DLG4: variants seen among roughly 807,000 people sequenced by gnomAD.
DLG4 encodes discs large MAGUK scaffold protein 4, also known as disks large homolog 4.
Under a neutral mutation model 93.8 loss-of-function variants are expected in DLG4, and 7 were observed. The ratio of observed to expected loss-of-function variants is 0.07; its 90% CI spans 0.04 to 0.14. The LOEUF is 0.14. Ranked by LOEUF, DLG4 falls within the 10% of genes least tolerant of loss-of-function variation. DLG4 has a pLI of 1.00. For synonymous variants in DLG4, 341 were observed against 387.6 expected (o/e 0.88, Z 1.41); for missense variants, 545 against 992.9 (o/e 0.55, Z 6.06).
chr17:7,219,087 T>C, upstream of DLG4: 1 of 589,146 alleles, frequency 1.7e-6, no homozygotes, highest in East Asian at 2.9e-5. Flanking sequence ...AAAGAGGGCC[T>C]CCTCACAGAG....
At chr17:7,216,686 C>T (rs2070931484) in intron 1 of DLG4, among the ~76,000 whole-genome samples, 1 of 152,100 alleles carries the variant, frequency 6.6e-6, no homozygotes, top group Admixed American at 6.5e-5. Flanking sequence ...ACCTTTACCC[C>T]ATGCCAGGAG....
upstream of DLG4, chr17:7,219,342 A>C: frequency 1.1e-6 from 1 of 944,100 alleles, no homozygotes; most frequent in Non-Finnish European, 1.3e-6. Context: ...ACAGAAGGGA[A>C]TGTTCAGGAA....
intron 1 of DLG4, chr17:7,213,699 A>T: frequency 2.2e-6 from 1 of 456,314 alleles, no homozygotes; most frequent in South Asian, 1.6e-5. Flanking sequence ...TTGAACGCCC[A>T]CCCTTCCAGC....
chr17:7,200,001 GA>G (rs945775486), intron 8 of DLG4, among the ~76,000 whole-genome samples: 22 of 148,182 alleles, frequency 1.5e-4, no homozygotes, highest in Middle Eastern at 3.5e-3. Context: ...AAAAAGAAAA[GA>G]AAAAAAAAGA....
intron 8 of DLG4, among the ~76,000 whole-genome samples, chr17:7,199,015 C>T (rs975784505): frequency 6.6e-6 from 1 of 151,850 alleles, no homozygotes; most frequent in African/African-American, 2.4e-5. Context: ...CAAGACCTGC[C>T]TCCAACAAAA....
chr17:7,193,468 G>A lies in DLG4; in HGVS notation c.1693+15C>T. ...CACTTCCACCTTCTCCTCCATCCAA[G>A]GCCCCAGCACTCACGGGGAACACAG... On this transcript the variant is annotated intron_variant, in intron 16 of 19. Transcript: ENST00000399506. The surrounding 1 kb of genome is among the most constrained non-coding windows in gnomAD (Gnocchi z 6.7). 1 of 1,517,008 alleles carries A rather than the reference G, an allele frequency of 6.6e-7. No homozygotes were observed. The highest frequency in any genetic ancestry group is 8.8e-7 in the Non-Finnish European group (1 of 1,136,952). The allele number at this position is 1,517,008 out of a possible 1,614,324, so 94.0% of individuals were successfully genotyped here.
At chr17:7,209,732 C>T (rs754709334) in intron 1 of DLG4, among the ~76,000 whole-genome samples, 6 of 151,788 alleles carry the variant, frequency 4.0e-5, no homozygotes, top group Admixed American at 6.6e-5. Flanking sequence ...ATCACGCCAC[C>T]GCACTCCAGC....
chr17:7,190,728 G>A lies in DLG4; in HGVS notation c.2155C>T (p.Pro719Ser), dbSNP rs973283691. 1.2e-6 allele frequency: 2 copies of A among 1,613,658 alleles called. No individual in the cohort carries two copies. The highest frequency in any genetic ancestry group is 1.7e-5 in the Admixed American group (1 of 59,998). Residue 719 changes from proline (P) to serine (S), a missense_variant, in exon 20 of 20, where the codon CCA (proline) becomes TCA (serine). By Grantham distance (74) the Pro-to-Ser change is moderately conservative. Coordinates refer to ENST00000399506, the MANE Select transcript of DLG4 (RefSeq NM_001321075.3). Reference sequence around the variant, plus strand: ...AGGAATCAGAGTCTCTCTCGGGCTGGAACCCAGATGTAGGGGCCTGAGAGG... The same window carrying A: ...AGGAATCAGAGTCTCTCTCGGGCTGAAACCCAGATGTAGGGGCCTGAGAGG... Reference protein sequence around the residue: ...EDLSGPYIWVPARERL With the variant: ...EDLSGPYIWVSARERL
In DLG4 at chr17:7,193,451, C is replaced by A. The variant is rs199897588; in HGVS notation, c.1693+32G>T. On this transcript the variant is annotated intron_variant, in intron 16 of 19. Coordinates refer to ENST00000399506, the MANE Select transcript of DLG4 (RefSeq NM_001321075.3). This position sits in a 1 kb window ranked among gnomAD's most constrained non-coding sequence, Gnocchi z 6.7. ...CTCCCCTGCCCCACCCCCACTTCCACCTTCTCCTCCATCCAAGGCCCCAGC... is the reference window on the plus strand; with the variant it reads ...CTCCCCTGCCCCACCCCCACTTCCAACTTCTCCTCCATCCAAGGCCCCAGC... The A allele has an allele frequency of 3.9e-5, 59 of 1,509,144 alleles. No homozygotes were observed. The African/African-American group carries it at 5.7e-4, about 15-fold the overall frequency. The allele number at this position is 1,509,144 out of a possible 1,614,324, so 93.5% of individuals were successfully genotyped here. A position where few individuals can be genotyped will look rare whatever the true frequency, so the allele number is the denominator to read the frequency against.
intron 2 of DLG4, chr17:7,204,939 G>A: frequency 5.1e-6 from 5 of 985,382 alleles, no homozygotes; most frequent in South Asian, 4.7e-5. Flanking sequence ...GACCCGGGGA[G>A]ACCCACCTCC....
In DLG4 at chr17:7,187,318, G is replaced by A. The variant is rs191350575; in HGVS notation, c.*3390C>T. On this transcript the variant is annotated 3_prime_UTR_variant, in exon 20 of 20. Transcript: ENST00000399506. ...ACTTTGGGAGGCCGAGGGGGGGGGG[G>A]GTGGATCACCCGAGGTCAGGAGTTC... Among the ~76,000 whole-genome samples the A allele has an allele frequency of 2.2e-3, 152 of 68,398 alleles. 4 individuals carry two copies. Among genetic ancestry groups the A allele is most frequent in the Non-Finnish European group, 5.2e-3 (102 of 19,670 alleles). 44.9% of individuals were successfully genotyped at this position (68,398 alleles called of 152,430 possible). A position where few individuals can be genotyped will look rare whatever the true frequency, so the allele number is the denominator to read the frequency against.
At chr17:7,200,128 G>A (rs963382319) in intron 8 of DLG4, among the ~76,000 whole-genome samples, 2 of 152,022 alleles carry the variant, frequency 1.3e-5, no homozygotes, top group African/African-American at 4.8e-5. Context: ...TATTTTGTAG[G>A]GGCTGCCACA....
intron 1 of DLG4, 33 bp downstream of exon 1, chr17:7,217,084 TC>T: frequency 1.6e-6 from 2 of 1,265,748 alleles, no homozygotes; most frequent in South Asian, 7.0e-5. Context: ...ACTCATACCC[TC>T]CCCCCAGTTT....
chr17:7,217,036 G>T (rs768198413), intron 1 of DLG4, 82 bp downstream of exon 1: 1 of 1,198,372 alleles, frequency 8.3e-7, no homozygotes, highest in Non-Finnish European at 1.1e-6. Flanking sequence ...CTCCAGGGGC[G>T]CCAGTCCCAG....
In DLG4 at chr17:7,203,429, G is replaced by A; in HGVS notation, c.500C>T (p.Pro167Leu). The change falls in exon 6 of 20, where the codon CCT (proline) becomes CTT (leucine). Residue 167 changes from proline to leucine, a missense_variant. Pro to Leu is a moderately conservative substitution (Grantham distance 98, BLOSUM62 -3). Around this residue, in one of 5 missense-constraint regions of DLG4, gnomAD observed 5 missense variants for 27.6 expected, o/e 0.18. Transcript: ENST00000399506. This position sits in a 1 kb window ranked among gnomAD's most constrained non-coding sequence, Gnocchi z 7.2. The stretch of plus-strand genomic sequence containing the variant: ...GGAACAAAATGAGTTACTACCTTTA[G>A]GCCCCTTGATGAGCTTGATCTCCAT... ...KVMEIKLIKG[P>L]KGLGFSIAGG... 6.2e-7 allele frequency: 1 copy of A among 1,606,274 alleles called. No homozygotes were observed. Among genetic ancestry groups the A allele is most frequent in the Non-Finnish European group, 8.5e-7 (1 of 1,173,610 alleles).
rs139750491 is a variant in DLG4 at position 7,187,980 on chromosome 17, G to A, written c.*2728C>T. 2.0e-4 allele frequency among the ~76,000 whole-genome samples: 30 copies of A among 151,736 alleles called. No homozygotes were observed. In the East Asian group the frequency reaches 5.3e-3, roughly 27 times the overall value. On this transcript the variant is annotated 3_prime_UTR_variant, in exon 20 of 20. Transcript: ENST00000399506. ...AGCTACTTGGGAAGCTGAGGCAGGA[G>A]AATCACTTGAACCCTGGAGTTGGAG...
At chr17:7,213,807 G>A (rs1437030823) in intron 1 of DLG4, 1 of 471,104 alleles carries the variant, frequency 2.1e-6, no homozygotes, top group South Asian at 1.5e-5. Context: ...TCACCCAAGC[G>A]AGATTGACCC....
At position 7,196,177 on chromosome 17, in the gene DLG4, G is replaced by A. The variant is rs766840804; in HGVS notation, c.1301+43C>T. Reference sequence around the variant, plus strand: ...CCCGGGCCAGGCACAGAGTGCCCAGGAACGCAGAGGGGCTGAGGAGTCCAG... The same window carrying A: ...CCCGGGCCAGGCACAGAGTGCCCAGAAACGCAGAGGGGCTGAGGAGTCCAG... On this transcript the variant is annotated intron_variant, in intron 11 of 19. Transcript: ENST00000399506. This position sits in a 1 kb window ranked among gnomAD's most constrained non-coding sequence, Gnocchi z 8.3. The A allele has an allele frequency of 1.3e-6, 2 of 1,495,630 alleles. No individual in the cohort carries two copies. Among genetic ancestry groups the A allele is most frequent in the African/African-American group, 1.4e-5 (1 of 72,392 alleles). 92.6% of individuals were successfully genotyped at this position (1,495,630 alleles called of 1,614,324 possible). A position where few individuals can be genotyped will look rare whatever the true frequency, so the allele number is the denominator to read the frequency against.
Position 7,203,405 on chromosome 17 carries a change from G to T in DLG4, c.505+19C>A. The T allele has an allele frequency of 6.3e-7, 1 of 1,596,870 alleles. No individual in the cohort carries two copies. Among genetic ancestry groups the T allele is most frequent in the Non-Finnish European group, 8.6e-7 (1 of 1,166,030 alleles). Reference sequence around the variant, plus strand: ...CACAGGACAGTTGGGATGGGGGTGGGAACAAAATGAGTTACTACCTTTAGG... The same window carrying T: ...CACAGGACAGTTGGGATGGGGGTGGTAACAAAATGAGTTACTACCTTTAGG... On this transcript the variant is annotated intron_variant, in intron 6 of 19. Transcript: ENST00000399506. The surrounding 1 kb of genome is among the most constrained non-coding windows in gnomAD (Gnocchi z 7.2).
Sources: allele counts gnomAD v4.1 joint callset (sites outside exome capture counted in the v4.1 genomes callset), GRCh38; gene constraint gnomAD v4.1.1; regional missense constraint gnomAD v4.1.1; non-coding constraint Gnocchi (gnomAD v3.1); transcripts MANE v1.5; gene names NCBI Gene and HGNC (gene_info 2026-07-23, HGNC 2026-07-21).